Variants in NDST3 observed in about 807,000 individuals in gnomAD.
NDST3 encodes N-deacetylase and N-sulfotransferase 3, also known as bifunctional heparan sulfate N-deacetylase/N-sulfotransferase 3.
Under a neutral mutation model 96.1 loss-of-function variants are expected in NDST3, and 58 were observed. The ratio of observed to expected loss-of-function variants is 0.60; its 90% CI spans 0.49 to 0.75. NDST3 has a LOEUF of 0.75. Ranked by LOEUF, NDST3 falls within the 30% of genes least tolerant of loss-of-function variation. The pLI is 0.00. For synonymous variants in NDST3, 333 were observed against 359.7 expected, an observed-to-expected ratio of 0.93 and a Z score of 0.84; for missense variants, 788 against 1,034.2, an observed-to-expected ratio of 0.76 and a Z score of 3.27.
In NDST3 at chr4:118,138,214, G is replaced by C. The variant is rs1309178248; in HGVS notation, c.1385G>C (p.Arg462Thr). 1.2e-6 allele frequency: 2 copies of C among 1,613,656 alleles called. No homozygotes were observed. Among genetic ancestry groups the C allele is most frequent in the Admixed American group, 1.7e-5 (1 of 59,952 alleles). ...CATCTGAAGCCAGCTAGATACCGGA[G>C]GGGTTTTATCCACAAAAACATCATG... The part of the protein sequence containing the change: ...YPHLKPARYR[R>T]GFIHKNIMVL... The change falls in exon 5 of 14, where the codon AGG becomes ACG. Residue 462 changes from arginine (R) to threonine (T), a missense_variant. Arg to Thr is a moderately conservative substitution (Grantham distance 71). Around this residue, in one of 3 missense-constraint regions of NDST3, gnomAD observed 490 missense variants for 708.8 expected, o/e 0.69. Coordinates refer to ENST00000296499, the MANE Select transcript of NDST3 (RefSeq NM_004784.3).
chr4:118,148,710 A>G (rs116351868), intron 6 of NDST3, among the ~76,000 whole-genome samples: 18 of 152,348 alleles, frequency 1.2e-4, no homozygotes, highest in African/African-American at 3.8e-4. Context: ...CTGTAATTTT[A>G]TATGTGTATG....
At chr4:118,204,059 T>C (rs2125982064) in intron 6 of NDST3, among the ~76,000 whole-genome samples, 1 of 152,296 alleles carries the variant, frequency 6.6e-6, no homozygotes, top group South Asian at 2.1e-4. Context: ...TCAGTTTTTT[T>C]GTGACTTCCA....
intron 1 of NDST3, among the ~76,000 whole-genome samples, chr4:118,037,886 C>T (rs1346436411): frequency 1.3e-5 from 2 of 152,132 alleles, no homozygotes; most frequent in Non-Finnish European, 2.9e-5. Context: ...GTAATAGAAC[C>T]TTCAACCTCC....
intron 6 of NDST3, among the ~76,000 whole-genome samples, chr4:118,192,257 T>C (rs2125966672): frequency 6.6e-6 from 1 of 152,318 alleles, no homozygotes; most frequent in South Asian, 2.1e-4. Context: ...TTGTTGATTG[T>C]TTCCTTCACT....
At chr4:118,184,603 A>C (rs60887894) in intron 6 of NDST3, among the ~76,000 whole-genome samples, 1,110 of 12,460 alleles carry the variant, frequency 0.089, 8 homozygotes, top group African/African-American at 0.15. Flanking sequence ...CTCTCTCTCT[A>C]CACACACACA....
intron 6 of NDST3, among the ~76,000 whole-genome samples, 196 bp downstream of exon 6, chr4:118,143,880 G>A (rs1405880570): frequency 9.9e-5 from 15 of 152,124 alleles, no homozygotes; most frequent in Admixed American, 9.8e-4. Context: ...GTAACATGAG[G>A]AACTCATGGC....
At chr4:118,132,083 T>TA (rs1732672898) in intron 4 of NDST3, among the ~76,000 whole-genome samples, 1 of 152,124 alleles carries the variant, frequency 6.6e-6, no homozygotes, top group African/African-American at 2.4e-5. Context: ...CTATGTTCAC[T>TA]CAAGGCCCTA....
chr4:118,108,599 T>C (rs1178503089), intron 3 of NDST3, among the ~76,000 whole-genome samples: 2 of 152,180 alleles, frequency 1.3e-5, no homozygotes, highest in Non-Finnish European at 2.9e-5. Flanking sequence ...AAATAGTAAT[T>C]TTATTTTTAG....
At chr4:118,049,340 C>A (rs1029233170) in intron 1 of NDST3, among the ~76,000 whole-genome samples, 1 of 151,586 alleles carries the variant, frequency 6.6e-6, no homozygotes, top group African/African-American at 2.4e-5. Context: ...AACATACCCC[C>A]ACAGCTGGCA....
intron 12 of NDST3, among the ~76,000 whole-genome samples, chr4:118,248,591 G>A (rs1348119137): frequency 6.6e-6 from 1 of 152,202 alleles, no homozygotes; most frequent in Non-Finnish European, 1.5e-5. Flanking sequence ...CCAGGTTAGG[G>A]TAGCCCTAGA....
intron 6 of NDST3, among the ~76,000 whole-genome samples, chr4:118,209,814 A>C (rs1449596565): frequency 6.6e-6 from 1 of 152,202 alleles, no homozygotes; most frequent in East Asian, 1.9e-4. Context: ...CCTTTGCCAA[A>C]GTATTCTGCA....
intron 1 of NDST3, among the ~76,000 whole-genome samples, chr4:118,042,557 A>G (rs138055426): frequency 1.1e-4 from 17 of 152,298 alleles, no homozygotes; most frequent in Non-Finnish European, 2.4e-4. Flanking sequence ...AATGCACCCA[A>G]TGCTCTTTAT....
At chr4:118,238,925 A>C (rs1418747377) in intron 10 of NDST3, among the ~76,000 whole-genome samples, 3 of 152,190 alleles carry the variant, frequency 2.0e-5, no homozygotes, top group African/African-American at 7.2e-5. Context: ...AAAATGAAGA[A>C]GTGTTTTCAT....
intron 2 of NDST3, among the ~76,000 whole-genome samples, chr4:118,062,223 A>G (rs901261219): frequency 6.6e-6 from 1 of 152,168 alleles, no homozygotes; most frequent in Non-Finnish European, 1.5e-5. Context: ...CTCAGATTTT[A>G]TGCATTGTAA....
intron 6 of NDST3, chr4:118,193,292 T>C (rs1000359747): frequency 1.4e-5 from 5 of 364,190 alleles, no homozygotes; most frequent in Non-Finnish European, 2.5e-5. Flanking sequence ...TCCAACCAGA[T>C]AGAAAAATAA....
At chr4:118,171,268 A>G (rs1735930663) in intron 6 of NDST3, among the ~76,000 whole-genome samples, 1 of 152,076 alleles carries the variant, frequency 6.6e-6, no homozygotes, top group African/African-American at 2.4e-5. Context: ...AAGGCCTACA[A>G]ATTTGGGCCA....
intron 7 of NDST3, among the ~76,000 whole-genome samples, chr4:118,226,332 G>A (rs1739878660): frequency 1.3e-5 from 2 of 152,044 alleles, no homozygotes; most frequent in African/African-American, 4.8e-5. Context: ...TAAAACTTAG[G>A]ACTTTCTAGC....
intron 6 of NDST3, among the ~76,000 whole-genome samples, chr4:118,184,803 TA>T (rs1225170172): frequency 6.6e-6 from 1 of 152,220 alleles, no homozygotes; most frequent in Non-Finnish European, 1.5e-5. Flanking sequence ...TTACTTGCTG[TA>T]AGCATGTTTG....
intron 2 of NDST3, among the ~76,000 whole-genome samples, chr4:118,058,562 G>A (rs1725627311): frequency 6.6e-6 from 1 of 151,504 alleles, no homozygotes; most frequent in African/African-American, 2.4e-5. Context: ...TAAAAAGGCA[G>A]GACAAATTTC....
Sources: gnomAD v4.1 joint callset for allele counts (sites outside exome capture counted in the v4.1 genomes callset) on GRCh38, gnomAD v4.1.1 for gene constraint, gnomAD v4.1.1 regional missense constraint, MANE v1.5 for transcripts, NCBI Gene and HGNC (gene_info 2026-07-23, HGNC 2026-07-21) for gene names.